Variants in NXPE2 observed in about 807,000 individuals in gnomAD.
The protein encoded by NXPE2 is NXPE family member 2.
In NXPE2, 34 loss-of-function variants were observed where a neutral mutation model predicts 34.4. That is an observed-to-expected ratio of 0.99 (90% CI 0.75 to 1.31). The LOEUF (loss-of-function observed/expected upper bound fraction) is 1.31. Ranked by LOEUF, NXPE2 falls within the 40% of genes most tolerant of loss-of-function variation. The probability of loss-of-function intolerance (pLI) is 0.00; values close to 1 mark genes in which losing one functional copy is unlikely to be tolerated. For missense variants in NXPE2, 649 were observed against 672.5 expected (o/e 0.97, Z 0.39); for synonymous variants, 235 against 231.3 (o/e 1.02, Z -0.15).
the NXPE2 span, among the ~76,000 whole-genome samples, chr11:114,608,835 G>C: frequency 1.3e-5 from 2 of 151,878 alleles, no homozygotes; most frequent in Non-Finnish European, 2.9e-5. Flanking sequence ...TTACCTGGTG[G>C]ATAATAAGTG....
At chr11:114,783,740 G>A in the NXPE2 span, among the ~76,000 whole-genome samples, 1 of 152,266 alleles carries the variant, frequency 6.6e-6, no homozygotes, top group African/African-American at 2.4e-5. Context: ...TAGGCACTGT[G>A]GTGTTGTGAG....
At chr11:114,710,592 A>T (rs760093735), downstream of NXPE2, among the ~76,000 whole-genome samples, 3 of 152,198 alleles carry the variant, frequency 2.0e-5, no homozygotes, top group Non-Finnish European at 4.4e-5. Context: ...ACATTGAAAC[A>T]GTAATCAAAA....
the NXPE2 span, among the ~76,000 whole-genome samples, chr11:114,753,394 GAA>G: frequency 3.3e-5 from 5 of 150,910 alleles, no homozygotes; most frequent in Non-Finnish European, 5.9e-5. Context: ...CCCTGTCTTA[GAA>G]AAAAAAATGA....
chr11:114,550,340 C>G, the NXPE2 span, among the ~76,000 whole-genome samples: 1 of 152,020 alleles, frequency 6.6e-6, no homozygotes, highest in Non-Finnish European at 1.5e-5. Flanking sequence ...TTGTAAAAAT[C>G]TTTGTAATTA....
the NXPE2 span, among the ~76,000 whole-genome samples, chr11:114,799,205 T>G: frequency 6.6e-6 from 1 of 151,178 alleles, no homozygotes; most frequent in Non-Finnish European, 1.5e-5. Context: ...AGTCTATCTT[T>G]AGGTTTTATT....
At chr11:114,760,280 C>G in the NXPE2 span, among the ~76,000 whole-genome samples, 1 of 152,118 alleles carries the variant, frequency 6.6e-6, no homozygotes, top group Non-Finnish European at 1.5e-5. Context: ...GAGGACACAG[C>G]AAAAGGGAAC....
chr11:114,656,452 A>G, the NXPE2 span, among the ~76,000 whole-genome samples: 3 of 152,302 alleles, frequency 2.0e-5, no homozygotes, highest in East Asian at 5.8e-4. Flanking sequence ...ATGGAATCAA[A>G]GAAGACCCTC....
chr11:114,796,262 T>C, the NXPE2 span, among the ~76,000 whole-genome samples: 1 of 152,224 alleles, frequency 6.6e-6, no homozygotes, highest in Non-Finnish European at 1.5e-5. Flanking sequence ...TCTGGGCTTG[T>C]AGTATAAATC....
chr11:114,798,440 G>A, the NXPE2 span, among the ~76,000 whole-genome samples: 2 of 151,938 alleles, frequency 1.3e-5, no homozygotes, highest in Admixed American at 1.3e-4. Flanking sequence ...CCAGGCTGGA[G>A]TGCAGCAATC....
the NXPE2 span, among the ~76,000 whole-genome samples, chr11:114,597,292 G>C: frequency 1.3e-5 from 2 of 152,078 alleles, no homozygotes; most frequent in East Asian, 1.9e-4. Context: ...ATAGCAAACT[G>C]TCAATATATT....
chr11:114,660,254 T>C, the NXPE2 span, among the ~76,000 whole-genome samples: 1 of 152,066 alleles, frequency 6.6e-6, no homozygotes, highest in Non-Finnish European at 1.5e-5. Context: ...ACAATTCTAC[T>C]GATTTTTTTC....
At chr11:114,784,685 GCT>G in the NXPE2 span, among the ~76,000 whole-genome samples, 4 of 152,098 alleles carry the variant, frequency 2.6e-5, no homozygotes, top group Non-Finnish European at 5.9e-5. Flanking sequence ...GGGAAAAAAA[GCT>G]CTCTCTTCGA....
chr11:114,511,821 T>A, the NXPE2 span, among the ~76,000 whole-genome samples: 1 of 152,114 alleles, frequency 6.6e-6, no homozygotes, highest in Non-Finnish European at 1.5e-5. Flanking sequence ...CTCATCTCTC[T>A]CCTGCTCTCT....
the NXPE2 span, among the ~76,000 whole-genome samples, chr11:114,754,727 TAC>T: frequency 6.6e-6 from 1 of 152,104 alleles, no homozygotes; most frequent in South Asian, 2.1e-4. Context: ...GTATAACTGG[TAC>T]ATATGCTGTT....
the NXPE2 span, among the ~76,000 whole-genome samples, chr11:114,673,510 C>G: frequency 1.3e-5 from 2 of 151,378 alleles, no homozygotes; most frequent in African/African-American, 4.8e-5. Context: ...AAAAACAGGA[C>G]AGAAAAATCA....
At chr11:114,637,105 T>C in the NXPE2 span, among the ~76,000 whole-genome samples, 1 of 151,814 alleles carries the variant, frequency 6.6e-6, no homozygotes, top group Non-Finnish European at 1.5e-5. Context: ...TCTAAGTCTC[T>C]TTGTAGGTCA....
At chr11:114,747,119 C>A in the NXPE2 span, among the ~76,000 whole-genome samples, 1 of 152,138 alleles carries the variant, frequency 6.6e-6, no homozygotes, top group Admixed American at 6.5e-5. Context: ...ATCCAGATTC[C>A]TTTCTTTGAA....
At chr11:114,811,952 G>A in the NXPE2 span, among the ~76,000 whole-genome samples, 4 of 152,044 alleles carry the variant, frequency 2.6e-5, no homozygotes, top group Non-Finnish European at 4.4e-5. Context: ...ATTAACTATC[G>A]CATGCTTAGC....
the NXPE2 span, among the ~76,000 whole-genome samples, chr11:114,625,576 C>T: frequency 6.6e-5 from 10 of 152,038 alleles, no homozygotes; most frequent in East Asian, 1.9e-4. Flanking sequence ...AGTATTGCCT[C>T]GTGGGTAACC....
Sources: gnomAD v4.1 joint callset for allele counts (sites outside exome capture counted in the v4.1 genomes callset) on GRCh38, gnomAD v4.1.1 for gene constraint, MANE v1.5 for transcripts, NCBI Gene and HGNC (gene_info 2026-07-23, HGNC 2026-07-21) for gene names.